Variants in NOL4 observed in about 807,000 individuals in gnomAD.
The protein encoded by NOL4 is nucleolar protein 4, also known as cancer/testis antigen 125.
Under a neutral mutation model 75.9 loss-of-function variants are expected in NOL4, and 17 were observed. The ratio of observed to expected loss-of-function variants is 0.22; its 90% CI spans 0.15 to 0.34. The LOEUF (loss-of-function observed/expected upper bound fraction) is 0.34, where lower values mean the gene tolerates loss of function less well. Among genes scored for constraint, NOL4 ranks in the 10% least tolerant of loss-of-function variants. The probability of loss-of-function intolerance (pLI) is 1.00; values close to 1 mark genes in which losing one functional copy is unlikely to be tolerated. For missense variants in NOL4, 614 were observed against 793.5 expected (o/e 0.77, Z 2.72); for synonymous variants, 292 against 289.9 (o/e 1.01, Z -0.07).
At chr18:34,214,219 AT>A in intron 1 of NOL4, among the ~76,000 whole-genome samples, 1 of 152,344 alleles carries the variant, frequency 6.6e-6, no homozygotes. Flanking sequence ...CAGGCAGTGC[AT>A]AAGATAACCT....
At chr18:34,188,871 T>C (rs80264215) in intron 1 of NOL4, among the ~76,000 whole-genome samples, 3,185 of 152,306 alleles carry the variant, frequency 0.021, 53 homozygotes, top group East Asian at 0.063. Flanking sequence ...AAAATTAACA[T>C]ATGAACCCAA....
In NOL4 at chr18:34,020,304, A is replaced by G. The variant is rs537517627; in HGVS notation, c.773-703T>C. Among the ~76,000 whole-genome samples the G allele has an allele frequency of 2.0e-5, 3 of 152,300 alleles. No individual in the cohort carries two copies. In the South Asian group the frequency reaches 6.2e-4, roughly 32 times the overall value. Reference sequence around the variant, plus strand: ...CAAAGAAAAAAAAACAAAGAGAATTAAATAACTACCAATTATTTTGCAAAT... The same window carrying G: ...CAAAGAAAAAAAAACAAAGAGAATTGAATAACTACCAATTATTTTGCAAAT... On this transcript the variant is annotated intron_variant, in intron 5 of 10. Transcript: ENST00000261592.
chr18:33,856,056 A>C (rs149593784), intron 10 of NOL4, among the ~76,000 whole-genome samples: 1 of 152,040 alleles, frequency 6.6e-6, no homozygotes, highest in Admixed American at 6.6e-5. Flanking sequence ...GAAGGTAAGA[A>C]TGCAAGGCCC....
intron 1 of NOL4, among the ~76,000 whole-genome samples, chr18:34,177,339 G>A (rs2033641648): frequency 6.6e-6 from 1 of 151,748 alleles, no homozygotes; most frequent in African/African-American, 2.4e-5. Context: ...GGGGAGTAAT[G>A]GATATGTTCA....
intron 6 of NOL4, among the ~76,000 whole-genome samples, chr18:33,981,209 G>A (rs1056928918): frequency 2.6e-5 from 4 of 151,150 alleles, no homozygotes; most frequent in Non-Finnish European, 5.9e-5. Context: ...AAGAACTGTG[G>A]GATAACCACA....
At chr18:33,938,027 T>G (rs1443754081) in intron 9 of NOL4, among the ~76,000 whole-genome samples, 1 of 152,090 alleles carries the variant, frequency 6.6e-6, no homozygotes, top group Non-Finnish European at 1.5e-5. Context: ...GTCCTAAATG[T>G]TTGTTCTAGG....
chr18:34,192,668 A>C (rs1230351043), intron 1 of NOL4, among the ~76,000 whole-genome samples: 1 of 152,218 alleles, frequency 6.6e-6, no homozygotes, highest in Non-Finnish European at 1.5e-5. Flanking sequence ...ATGGAGAAGA[A>C]TAAAAGTAGG....
chr18:33,959,019 A>G (rs764326930), intron 6 of NOL4, among the ~76,000 whole-genome samples: 9 of 152,128 alleles, frequency 5.9e-5, no homozygotes, highest in Non-Finnish European at 1.3e-4. Context: ...TATGAGTCTT[A>G]AGAGGTCATC....
At chr18:33,933,519 T>C (rs2067842104) in intron 9 of NOL4, among the ~76,000 whole-genome samples, 1 of 152,162 alleles carries the variant, frequency 6.6e-6, no homozygotes. Context: ...TGGGAGTCAA[T>C]TCCTGACACT....
intron 10 of NOL4, among the ~76,000 whole-genome samples, chr18:33,866,492 T>C (rs1324151788): frequency 6.6e-6 from 1 of 152,154 alleles, no homozygotes; most frequent in African/African-American, 2.4e-5. Flanking sequence ...AGCAGTTATT[T>C]GCCACATTGG....
Position 33,871,712 on chromosome 18 carries a change from G to A in NOL4, c.1723+11532C>T, listed in dbSNP as rs139918356. ...CACAAAATTCCCAAGAGGCTCTTAAGAGTATATAAATATCCATTTTACTGT... is the reference window on the plus strand; with the variant it reads ...CACAAAATTCCCAAGAGGCTCTTAAAAGTATATAAATATCCATTTTACTGT... On this transcript the variant is annotated intron_variant, in intron 10 of 10. Transcript: ENST00000261592. 1.4e-3 allele frequency among the ~76,000 whole-genome samples: 206 copies of A among 152,116 alleles called. 1 individual carries two copies. Among genetic ancestry groups the A allele is most frequent in the African/African-American group, 4.6e-3 (192 of 41,532 alleles).
At chr18:33,882,827 C>G (rs527999649) in intron 10 of NOL4, among the ~76,000 whole-genome samples, 171 of 151,914 alleles carry the variant, frequency 1.1e-3, no homozygotes, top group African/African-American at 3.9e-3. Flanking sequence ...CAATGATAGA[C>G]TGGATTAAGA....
intron 6 of NOL4, among the ~76,000 whole-genome samples, chr18:33,967,874 T>C (rs1332038837): frequency 6.6e-6 from 1 of 151,926 alleles, no homozygotes; most frequent in Non-Finnish European, 1.5e-5. Context: ...GATCACAAGA[T>C]TAGGAATTTG....
intron 6 of NOL4, among the ~76,000 whole-genome samples, chr18:33,992,654 G>A (rs1380164731): frequency 6.6e-6 from 1 of 151,930 alleles, no homozygotes; most frequent in Non-Finnish European, 1.5e-5. Context: ...TACCCAGGAG[G>A]GGCAAGATCT....
intron 1 of NOL4, among the ~76,000 whole-genome samples, chr18:34,131,711 T>C (rs753292880): frequency 2.6e-4 from 40 of 152,168 alleles, no homozygotes; most frequent in Admixed American, 1.7e-3. Flanking sequence ...CTCATTTATC[T>C]AGCTAAATAC....
intron 9 of NOL4, among the ~76,000 whole-genome samples, chr18:33,886,301 G>A (rs1006082329): frequency 6.6e-6 from 1 of 152,034 alleles, no homozygotes; most frequent in Non-Finnish European, 1.5e-5. Flanking sequence ...GCTGAGCCGG[G>A]TGGATCACCT....
chr18:34,171,018 C>G (rs946296589), intron 1 of NOL4, among the ~76,000 whole-genome samples: 1 of 152,138 alleles, frequency 6.6e-6, no homozygotes, highest in Non-Finnish European at 1.5e-5. Flanking sequence ...TAGAACATGA[C>G]TTTGAGGGAA....
intron 10 of NOL4, among the ~76,000 whole-genome samples, chr18:33,863,616 G>C (rs1273620952): frequency 1.3e-5 from 2 of 152,194 alleles, no homozygotes; most frequent in Non-Finnish European, 2.9e-5. Flanking sequence ...TCCAGGGCAT[G>C]CTGATGCACA....
At chr18:33,853,836 G>A (rs2062725672) in intron 10 of NOL4, among the ~76,000 whole-genome samples, 1 of 151,918 alleles carries the variant, frequency 6.6e-6, no homozygotes. Flanking sequence ...ACATATTTAA[G>A]CCATCTGGTG....
Sources: gnomAD v4.1 joint callset for allele counts (sites outside exome capture counted in the v4.1 genomes callset) on GRCh38, gnomAD v4.1.1 for gene constraint, MANE v1.5 for transcripts, NCBI Gene and HGNC (gene_info 2026-07-23, HGNC 2026-07-21) for gene names.